NEO1: variants seen among roughly 807,000 people sequenced by gnomAD.
NEO1 encodes neogenin 1, also known as neogenin.
NEO1 carries 63 observed loss-of-function variants against 159.7 expected under a neutral mutation model. The ratio of observed to expected loss-of-function variants is 0.39; its 90% CI spans 0.32 to 0.49. The LOEUF (loss-of-function observed/expected upper bound fraction) is 0.49, where lower values mean the gene tolerates loss of function less well. Among genes scored for constraint, NEO1 ranks in the 20% least tolerant of loss-of-function variants. The pLI is 0.85. For missense variants in NEO1, 1,615 were observed against 1,831.0 expected (o/e 0.88, Z 2.15); for synonymous variants, 633 against 662.0 (o/e 0.96, Z 0.67).
At chr15:73,182,995 A>G (rs1398344230) in intron 7 of NEO1, among the ~76,000 whole-genome samples, 1 of 152,214 alleles carries the variant, frequency 6.6e-6, no homozygotes, top group Non-Finnish European at 1.5e-5. Context: ...CTAGAGTTTT[A>G]ACTAAAAGGC....
chr15:73,302,993 A>C lies in NEO1; in HGVS notation c.*297A>C. ...GGAAGAGGCGAGAAGTGCAACCTGC[A>C]TTTCACTTTGTGGTCAGGCCGTGTC... is the stretch of plus-strand genomic sequence containing the variant. On this transcript the variant is annotated 3_prime_UTR_variant, in exon 29 of 29. Coordinates refer to ENST00000261908, the MANE Select transcript of NEO1 (RefSeq NM_002499.4). 3.0e-6 allele frequency: 1 copy of C among 330,428 alleles called. No homozygotes were observed. Among genetic ancestry groups the C allele is most frequent in the Non-Finnish European group, 5.8e-6 (1 of 173,012 alleles). The allele number at this position is 330,428 out of a possible 1,614,324, so 20.5% of individuals were successfully genotyped here. A position where few individuals can be genotyped will look rare whatever the true frequency, so the allele number is the denominator to read the frequency against.
At chr15:73,203,307 C>T (rs2037013556) in intron 7 of NEO1, among the ~76,000 whole-genome samples, 1 of 152,084 alleles carries the variant, frequency 6.6e-6, no homozygotes, top group African/African-American at 2.4e-5. Context: ...TAGTGGCTAT[C>T]CTAGTGGGTG....
chr15:73,147,009 C>T (rs1181810075), intron 5 of NEO1, among the ~76,000 whole-genome samples: 1 of 152,180 alleles, frequency 6.6e-6, no homozygotes, highest in African/African-American at 2.4e-5. Flanking sequence ...TAACATTGTG[C>T]TTCACAGAAG....
At chr15:73,093,424 C>T (rs779591729) in intron 1 of NEO1, among the ~76,000 whole-genome samples, 3 of 152,158 alleles carry the variant, frequency 2.0e-5, no homozygotes, top group South Asian at 2.1e-4. Context: ...AATTCTTCTG[C>T]ATGGGGTATT....
intron 1 of NEO1, among the ~76,000 whole-genome samples, chr15:73,093,333 C>T (rs1405961915): frequency 6.6e-6 from 1 of 152,168 alleles, no homozygotes; most frequent in African/African-American, 2.4e-5. Context: ...AGAAGAAAGT[C>T]ACCATGGGCA....
chr15:73,118,276 C>T (rs2071436129), intron 2 of NEO1, among the ~76,000 whole-genome samples: 1 of 152,156 alleles, frequency 6.6e-6, no homozygotes, highest in Non-Finnish European at 1.5e-5. Context: ...CCAGTCCAGT[C>T]TCCACCCTGT....
At chr15:73,095,645 A>G (rs1051049551) in intron 1 of NEO1, among the ~76,000 whole-genome samples, 9 of 149,230 alleles carry the variant, frequency 6.0e-5, no homozygotes, top group African/African-American at 2.2e-4. Flanking sequence ...TATAGCATTC[A>G]CGAAAGATGA....
At chr15:73,115,631 A>T (rs1191932163) in intron 1 of NEO1, among the ~76,000 whole-genome samples, 1 of 152,192 alleles carries the variant, frequency 6.6e-6, no homozygotes, top group Non-Finnish European at 1.5e-5. Context: ...GATTTTTCAC[A>T]TGAAGAAAGC....
chr15:73,090,551 A>T (rs2069630572), intron 1 of NEO1, among the ~76,000 whole-genome samples: 1 of 152,236 alleles, frequency 6.6e-6, no homozygotes, highest in Non-Finnish European at 1.5e-5. Context: ...AATAACAAAA[A>T]GGTGGGAACT....
intron 1 of NEO1, among the ~76,000 whole-genome samples, chr15:73,115,935 TA>T (rs2071284485): frequency 6.6e-6 from 1 of 152,128 alleles, no homozygotes. Flanking sequence ...GATCTTGGGA[TA>T]AAAAAGACCT....
chr15:73,291,961 C>A (rs1260705044), intron 25 of NEO1, among the ~76,000 whole-genome samples: 3 of 152,148 alleles, frequency 2.0e-5, no homozygotes, highest in Non-Finnish European at 4.4e-5. Context: ...CTAAAAACTA[C>A]CTGTCTTCCC....
chr15:73,226,415 GA>G (rs1446252574), intron 7 of NEO1, among the ~76,000 whole-genome samples: 1 of 152,146 alleles, frequency 6.6e-6, no homozygotes, highest in East Asian at 1.9e-4. Context: ...TTAATTCAGG[GA>G]TGGATCCCCA....
At chr15:73,080,218 C>T (rs914652974) in intron 1 of NEO1, among the ~76,000 whole-genome samples, 2 of 152,150 alleles carry the variant, frequency 1.3e-5, no homozygotes, top group African/African-American at 4.8e-5. Flanking sequence ...TAGACAGTTT[C>T]TATCTGTCCT....
intron 5 of NEO1, among the ~76,000 whole-genome samples, chr15:73,149,665 T>G (rs1466752289): frequency 1.3e-5 from 2 of 152,328 alleles, no homozygotes; most frequent in Non-Finnish European, 1.5e-5. Flanking sequence ...ATTCTTAACA[T>G]CACATTATGA....
chr15:73,223,286 CTG>C (rs1265651407), intron 7 of NEO1, among the ~76,000 whole-genome samples: 2 of 151,908 alleles, frequency 1.3e-5, no homozygotes, highest in South Asian at 4.3e-4. Context: ...CTGTATATAT[CTG>C]TTAAGTCCAT....
At chr15:73,065,528 A>G (rs1042230442) in intron 1 of NEO1, among the ~76,000 whole-genome samples, 43 of 152,260 alleles carry the variant, frequency 2.8e-4, no homozygotes, top group African/African-American at 9.6e-4. Flanking sequence ...ATGTTGTTCC[A>G]TGTCCACTGA....
rs151289282 is a variant in NEO1, at chr15:73,248,646, A to G, written c.1607-414A>G. ...GTTATAACCGTTACCTAAATCTGTT[A>G]GCACTTACGACATTTTTTGTAACTG... On this transcript the variant is annotated intron_variant, in intron 9 of 28. Coordinates refer to ENST00000261908, the MANE Select transcript of NEO1 (RefSeq NM_002499.4). 8.6e-4 allele frequency among the ~76,000 whole-genome samples: 131 copies of G among 152,314 alleles called. 1 individual carries two copies. The highest frequency in any genetic ancestry group is 3.1e-3 in the African/African-American group (127 of 41,570).
At chr15:73,269,123 G>T (rs1426386810) in intron 16 of NEO1, among the ~76,000 whole-genome samples, 1 of 152,148 alleles carries the variant, frequency 6.6e-6, no homozygotes, top group Non-Finnish European at 1.5e-5. Flanking sequence ...AGGACATCAG[G>T]AGGTCTGAAC....
chr15:73,179,186 G>A (rs943877106), intron 7 of NEO1, among the ~76,000 whole-genome samples: 4 of 152,136 alleles, frequency 2.6e-5, no homozygotes, highest in African/African-American at 7.2e-5. Context: ...CATTGATATT[G>A]GGATTGGAGT....
Sources: gnomAD v4.1 joint callset for allele counts (sites outside exome capture counted in the v4.1 genomes callset) on GRCh38, gnomAD v4.1.1 for gene constraint, MANE v1.5 for transcripts, NCBI Gene and HGNC (gene_info 2026-07-23, HGNC 2026-07-21) for gene names.